The following ZFYVE16 variants were observed in gnomAD, a reference collection of about 807,000 sequenced individuals.
The protein encoded by ZFYVE16 is zinc finger FYVE-type containing 16.
A neutral mutation model predicts 138.1 loss-of-function variants in ZFYVE16; 89 were observed. The ratio of observed to expected loss-of-function variants is 0.64; its 90% CI spans 0.54 to 0.77. The LOEUF (loss-of-function observed/expected upper bound fraction) is 0.77. Among genes scored for constraint, ZFYVE16 ranks in the 30% least tolerant of loss-of-function variants. The pLI, the probability that ZFYVE16 is intolerant of heterozygous loss-of-function variation, is 0.00. For synonymous variants in ZFYVE16, 596 were observed against 618.3 expected, an observed-to-expected ratio of 0.96 and a Z score of 0.53; for missense variants, 1,793 against 1,786.7, an observed-to-expected ratio of 1.00 and a Z score of -0.06.
intron 1 of ZFYVE16, among the ~76,000 whole-genome samples, chr5:80,418,860 C>G (rs1746649771): frequency 6.6e-6 from 1 of 152,070 alleles, no homozygotes; most frequent in East Asian, 1.9e-4. Flanking sequence ...TGTAGATTTT[C>G]TCCTGTGTTT....
chr5:80,450,810 A>G (rs977833791), intron 10 of ZFYVE16, among the ~76,000 whole-genome samples: 3 of 138,236 alleles, frequency 2.2e-5, no homozygotes, highest in Non-Finnish European at 4.6e-5. Flanking sequence ...ATATCCTTAT[A>G]TCCATTTTTT....
intron 1 of ZFYVE16, among the ~76,000 whole-genome samples, chr5:80,419,950 T>G (rs1005305712): frequency 7.9e-5 from 12 of 151,776 alleles, no homozygotes; most frequent in Non-Finnish European, 2.9e-5. Context: ...TAGCTGGGAT[T>G]ACAGGTACAC....
intron 15 of ZFYVE16, among the ~76,000 whole-genome samples, chr5:80,461,965 C>CA (rs1475905939): frequency 6.6e-6 from 1 of 150,596 alleles, no homozygotes; most frequent in Admixed American, 6.6e-5. Context: ...GAGACTGTCT[C>CA]AAAAAACAAA....
rs151287476 is a variant in ZFYVE16 at position 80,452,963 on chromosome 5, C to T, written c.3607+1254C>T. ...TTTGAATTCCCACTGTATCTTTTAT[C>T]TGACTTTTTTCAAGAAATAATATAT... On this transcript the variant is annotated intron_variant, in intron 11 of 18. Coordinates refer to ENST00000505560, the MANE Select transcript of ZFYVE16 (RefSeq NM_001284236.3). 7.4e-4 allele frequency among the ~76,000 whole-genome samples: 113 copies of T among 152,168 alleles called. 1 individual carries two copies. The East Asian group carries it at 9.9e-3, about 13-fold the overall frequency.
At chr5:80,427,610 C>CTTTTTTTTT in intron 2 of ZFYVE16, 65 bp downstream of exon 2, 5 of 50,014 alleles carry the variant, frequency 1.0e-4, no homozygotes, top group East Asian at 8.8e-4. Context: ...CTGTCGTATG[C>CTTTTTTTTT]TTTTTTTTTT....
Position 80,448,320 on chromosome 5 carries a change from T to G in ZFYVE16, c.3019T>G (p.Tyr1007Asp), listed in dbSNP as rs1751614627. Reference protein sequence around the residue: ...DYRLLCDINKYVCNKISLLPN... With the variant: ...DYRLLCDINKDVCNKISLLPN... Reference sequence around the variant, plus strand: ...TAGGTTACTGTGTGATATTAACAAGTATGTCTGCAATAAGATTAGTCTTCT... The same window carrying G: ...TAGGTTACTGTGTGATATTAACAAGGATGTCTGCAATAAGATTAGTCTTCT... The change falls in exon 8 of 19, where the codon TAT (tyrosine) becomes GAT (aspartate). Residue 1007 changes from tyrosine to aspartate, a missense_variant. By Grantham distance (160) the Tyr-to-Asp change is radical (BLOSUM62 -3). Transcript: ENST00000505560. 3 of 1,611,420 alleles carry G rather than the reference T, an allele frequency of 1.9e-6. No individual in the cohort carries two copies. The highest frequency in any genetic ancestry group is 1.3e-5 in the African/African-American group (1 of 74,926).
chr5:80,448,318 A>C lies in ZFYVE16; in HGVS notation c.3017A>C (p.Lys1006Thr). The C allele has an allele frequency of 6.2e-7, 1 of 1,611,788 alleles. No homozygotes were observed. Among genetic ancestry groups the C allele is most frequent in the Non-Finnish European group, 8.5e-7 (1 of 1,179,668 alleles). Reference sequence around the variant, plus strand: ...TATAGGTTACTGTGTGATATTAACAAGTATGTCTGCAATAAGATTAGTCTT... The same window carrying C: ...TATAGGTTACTGTGTGATATTAACACGTATGTCTGCAATAAGATTAGTCTT... Reference protein sequence around the residue: ...SDYRLLCDINKYVCNKISLLP... With the variant: ...SDYRLLCDINTYVCNKISLLP... Residue 1006 changes from lysine (K) to threonine (T), a missense_variant, in exon 8 of 19, where the codon AAG (lysine) becomes ACG (threonine). Coordinates refer to ENST00000505560, the MANE Select transcript of ZFYVE16 (RefSeq NM_001284236.3).
intron 12 of ZFYVE16, 190 bp downstream of exon 12, chr5:80,455,964 C>A: frequency 1.9e-6 from 1 of 536,842 alleles, no homozygotes; most frequent in Middle Eastern, 5.0e-4. Context: ...TTAGAACGTA[C>A]TATCTCCTCA....
chr5:80,456,809 T>G, intron 13 of ZFYVE16, 136 bp from the exon 14 acceptor site: 1 of 1,076,444 alleles, frequency 9.3e-7, no homozygotes. Flanking sequence ...AAACATTTGT[T>G]TCCATCACAT....
At chr5:80,418,042 T>G (rs995431810) in intron 1 of ZFYVE16, among the ~76,000 whole-genome samples, 1 of 152,346 alleles carries the variant, frequency 6.6e-6, no homozygotes, top group Non-Finnish European at 1.5e-5. Context: ...AGACAAATGA[T>G]GTTCAGCATT....
At position 80,479,931 on chromosome 5, in the gene ZFYVE16, T is replaced by C. The variant is rs1170003183; in HGVS notation, c.*2554T>C. Among the ~76,000 whole-genome samples, 4 of 152,166 alleles carry C rather than the reference T, an allele frequency of 2.6e-5. No individual in the cohort carries two copies. The highest frequency in any genetic ancestry group is 5.9e-5 in the Non-Finnish European group (4 of 68,022). ...TGTAAAAGAACAGGCAAGTTTAGAA[T>C]TGCCCCAGTGATCTAAAGAATCTTA... On this transcript the variant is annotated 3_prime_UTR_variant, in exon 19 of 19. Transcript: ENST00000505560.
At chr5:80,469,577 A>C (rs551037362) in intron 15 of ZFYVE16, among the ~76,000 whole-genome samples, 16 of 152,076 alleles carry the variant, frequency 1.1e-4, no homozygotes, top group African/African-American at 3.9e-4. Flanking sequence ...CTTCATCTTC[A>C]GTTTTTGTCA....
At chr5:80,458,250 G>A (rs919574136) in intron 14 of ZFYVE16, among the ~76,000 whole-genome samples, 3 of 151,574 alleles carry the variant, frequency 2.0e-5, no homozygotes, top group African/African-American at 7.3e-5. Context: ...TTGTTGAATA[G>A]GTATATTTTT....
At chr5:80,416,616 C>A (rs1209835791) in intron 1 of ZFYVE16, among the ~76,000 whole-genome samples, 1 of 151,024 alleles carries the variant, frequency 6.6e-6, no homozygotes, top group African/African-American at 2.4e-5. Context: ...TATTTTGTCC[C>A]AGCTTTGGCC....
chr5:80,425,134 T>C (rs1049077640), intron 1 of ZFYVE16, among the ~76,000 whole-genome samples: 6 of 152,238 alleles, frequency 3.9e-5, no homozygotes, highest in African/African-American at 1.4e-4. Flanking sequence ...TTTTCAAATA[T>C]AGTTGTTCCA....
At chr5:80,440,717 C>T in intron 5 of ZFYVE16, 1 of 949,022 alleles carries the variant, frequency 1.1e-6, no homozygotes, top group Middle Eastern at 5.4e-4. Context: ...GTTTTTTTCC[C>T]CAAGTCCATG....
chr5:80,446,796 G>T (rs1448822752), intron 7 of ZFYVE16, among the ~76,000 whole-genome samples: 3 of 152,180 alleles, frequency 2.0e-5, no homozygotes, highest in Non-Finnish European at 4.4e-5. Context: ...GTGTTAAACA[G>T]AAGATATATA....
intron 1 of ZFYVE16, among the ~76,000 whole-genome samples, chr5:80,419,076 T>TG (rs1746684820): frequency 1.3e-5 from 2 of 151,316 alleles, no homozygotes; most frequent in African/African-American, 4.9e-5. Flanking sequence ...TTTTTTTTTT[T>TG]TGGGGGGTCT....
At position 80,457,004 on chromosome 5, in the gene ZFYVE16, T is replaced by C; in HGVS notation, c.3855T>C (p.Ser1285=). ...EHVISIGASF[S]TEADSHLVCI... ...TCATTAGCATTGGAGCAAGTTTCAG[T>C]ACAGAAGCAGATTCTCATCTAGTCT... The change falls in exon 14 of 19, where the codon AGT becomes AGC. Residue 1285 remains serine, a synonymous_variant. Transcript: ENST00000505560. 1 of 1,612,722 alleles carries C rather than the reference T, an allele frequency of 6.2e-7. No homozygotes were observed. The highest frequency in any genetic ancestry group is 8.5e-7 in the Non-Finnish European group (1 of 1,179,618).
Sources: gnomAD v4.1 joint callset for allele counts (sites outside exome capture counted in the v4.1 genomes callset) on GRCh38, gnomAD v4.1.1 for gene constraint, MANE v1.5 for transcripts, NCBI Gene and HGNC (gene_info 2026-07-23, HGNC 2026-07-21) for gene names.